Variants in FAXC observed in about 807,000 individuals in gnomAD.
FAXC encodes the protein failed axon connections homolog, metaxin like GST domain containing.
Under a neutral mutation model 41.9 loss-of-function variants are expected in FAXC, and 10 were observed. That is an observed-to-expected ratio of 0.24 (90% CI 0.15 to 0.41). The LOEUF (loss-of-function observed/expected upper bound fraction) is 0.41. Ranked by LOEUF, FAXC falls within the 10% of genes least tolerant of loss-of-function variation. The pLI, the probability that FAXC is intolerant of heterozygous loss-of-function variation, is 1.00. For synonymous variants in FAXC, 183 were observed against 183.8 expected, an observed-to-expected ratio of 1.00 and a Z score of 0.03; for missense variants, 399 against 510.9, an observed-to-expected ratio of 0.78 and a Z score of 2.11.
intron 1 of FAXC, among the ~76,000 whole-genome samples, chr6:99,346,155 T>G (rs1215338425): frequency 6.6e-6 from 1 of 152,244 alleles, no homozygotes; most frequent in Non-Finnish European, 1.5e-5. Context: ...GTTTTCTGCC[T>G]AAATTATAAA....
chr6:99,286,255 C>T (rs1022689775), intron 5 of FAXC, among the ~76,000 whole-genome samples: 1 of 152,192 alleles, frequency 6.6e-6, no homozygotes, highest in African/African-American at 2.4e-5. Flanking sequence ...AATGAAAACA[C>T]CCCCTTTGCC....
intron 3 of FAXC, among the ~76,000 whole-genome samples, chr6:99,328,102 C>T (rs535272609): frequency 2.6e-5 from 4 of 152,300 alleles, no homozygotes; most frequent in African/African-American, 9.6e-5. Context: ...CAGTCTAACC[C>T]CTCTATGACC....
chr6:99,325,208 GA>G lies in FAXC; in HGVS notation c.600-1542del, dbSNP rs948113194. On this transcript the variant is annotated intron_variant, in intron 3 of 5. Coordinates refer to ENST00000389677, the MANE Select transcript of FAXC (RefSeq NM_032511.4). ...AAATGCTGTTTTCCACCTCAAGGGGGAAAAAAAGGCATTTTGATCATTGTAT... is the reference window on the plus strand; with the variant it reads ...AAATGCTGTTTTCCACCTCAAGGGGGAAAAAAGGCATTTTGATCATTGTAT... Among the ~76,000 whole-genome samples the G allele has an allele frequency of 5.3e-5, 8 of 150,992 alleles. No homozygotes were observed. In the South Asian group the frequency reaches 8.3e-4, roughly 16 times the overall value.
chr6:99,328,623 A>G (rs952842243), intron 3 of FAXC, among the ~76,000 whole-genome samples: 2 of 152,116 alleles, frequency 1.3e-5, no homozygotes, highest in Admixed American at 6.5e-5. Context: ...CTGCCTAGAC[A>G]TCCTAACCTT....
intron 3 of FAXC, among the ~76,000 whole-genome samples, chr6:99,329,905 T>C: frequency 6.6e-6 from 1 of 151,048 alleles, no homozygotes; most frequent in Middle Eastern, 3.4e-3. Flanking sequence ...CAATTTTTGT[T>C]ATTTTTTTTT....
chr6:99,298,371 T>C (rs528537825), intron 4 of FAXC, among the ~76,000 whole-genome samples: 30 of 151,952 alleles, frequency 2.0e-4, no homozygotes, highest in Non-Finnish European at 4.4e-4. Context: ...CACCTGGCCT[T>C]GAAAGCTTTT....
chr6:99,289,446 G>A (rs886674221), intron 5 of FAXC, among the ~76,000 whole-genome samples: 1 of 152,204 alleles, frequency 6.6e-6, no homozygotes, highest in South Asian at 2.1e-4. Context: ...AGGCCAGGAT[G>A]TCAAGACCAG....
At position 99,283,654 on chromosome 6, in the gene FAXC, T is replaced by TC. The variant is rs1770912618; in HGVS notation, c.941-2202dup. Reference sequence around the variant, plus strand: ...CAGCATGGAAAACCTTCACTTACTTTCTCCCTTATGGGGACAGTCATGAAA... The same window carrying TC: ...CAGCATGGAAAACCTTCACTTACTTTCCTCCCTTATGGGGACAGTCATGAAA... On this transcript the variant is annotated intron_variant, in intron 5 of 5. Coordinates refer to ENST00000389677, the MANE Select transcript of FAXC (RefSeq NM_032511.4). 2.6e-5 allele frequency among the ~76,000 whole-genome samples: 4 copies of TC among 152,252 alleles called. No individual in the cohort carries two copies. The South Asian group carries it at 8.3e-4, about 32-fold the overall frequency.
chr6:99,285,718 G>C (rs1771006450), intron 5 of FAXC, among the ~76,000 whole-genome samples: 1 of 152,186 alleles, frequency 6.6e-6, no homozygotes, highest in South Asian at 2.1e-4. Context: ...CAGACAACTT[G>C]AGAGGATATT....
At chr6:99,297,555 G>T (rs970023336) in intron 4 of FAXC, among the ~76,000 whole-genome samples, 30 of 152,108 alleles carry the variant, frequency 2.0e-4, no homozygotes, top group African/African-American at 7.0e-4. Context: ...GTGGGGGAGG[G>T]GGTGCCATAC....
chr6:99,297,078 G>A (rs990596269), intron 4 of FAXC, among the ~76,000 whole-genome samples: 3 of 152,162 alleles, frequency 2.0e-5, no homozygotes, highest in African/African-American at 7.2e-5. Flanking sequence ...CACTGTGATT[G>A]GACTTTGTCA....
chr6:99,312,820 C>T (rs1342694410), intron 4 of FAXC, among the ~76,000 whole-genome samples: 1 of 152,144 alleles, frequency 6.6e-6, no homozygotes. Flanking sequence ...GATATTTTAT[C>T]TTTTGAAACT....
rs1770582477 is a variant in FAXC at position 99,275,789 on chromosome 6, A to G, written c.*5375T>C. Reference sequence around the variant, plus strand: ...GGACCAAAAATCTGAGTTTCTGGGTAAGGAATTCAGATGAGGAAAACATGC... The same window carrying G: ...GGACCAAAAATCTGAGTTTCTGGGTGAGGAATTCAGATGAGGAAAACATGC... On this transcript the variant is annotated 3_prime_UTR_variant, in exon 6 of 6. Coordinates refer to ENST00000389677, the MANE Select transcript of FAXC (RefSeq NM_032511.4). 1 of 152,210 alleles carries G rather than the reference A, an allele frequency of 6.6e-6. No homozygotes were observed. The highest frequency in any genetic ancestry group is 6.5e-5 in the Admixed American group (1 of 15,272). 9.4% of individuals were successfully genotyped at this position (152,210 alleles called of 1,614,324 possible).
chr6:99,295,557 A>G (rs1771453583), intron 4 of FAXC, among the ~76,000 whole-genome samples: 1 of 152,170 alleles, frequency 6.6e-6, no homozygotes, highest in South Asian at 2.1e-4. Flanking sequence ...TCAAACTGGG[A>G]CACTGGTCCC....
rs75478312 is a variant in FAXC, at chr6:99,330,814, G to T, written c.599+2537C>A. Among the ~76,000 whole-genome samples, 730 of 152,286 alleles carry T rather than the reference G, an allele frequency of 4.8e-3. 9 individuals carry two copies. The highest frequency in any genetic ancestry group is 0.017 in the African/African-American group (694 of 41,548). On this transcript the variant is annotated intron_variant, in intron 3 of 5. Coordinates refer to ENST00000389677, the MANE Select transcript of FAXC (RefSeq NM_032511.4). ...AATATTTTCCTACAAATTTTGGTCA[G>T]ATCCCTATATGCTGGGCCTCAGCTT...
At chr6:99,316,211 C>G (rs1338069842) in intron 4 of FAXC, among the ~76,000 whole-genome samples, 2 of 150,176 alleles carry the variant, frequency 1.3e-5, no homozygotes, top group Admixed American at 1.3e-4. Context: ...TAGCTCTGAG[C>G]TCTGGGAAGA....
chr6:99,281,942 AC>A (rs1473373582), intron 5 of FAXC, among the ~76,000 whole-genome samples: 2 of 152,244 alleles, frequency 1.3e-5, no homozygotes, highest in East Asian at 3.8e-4. Context: ...AACTGGAATA[AC>A]GGGGAAGGTA....
At chr6:99,297,775 G>A (rs750951648) in intron 4 of FAXC, among the ~76,000 whole-genome samples, 5 of 152,056 alleles carry the variant, frequency 3.3e-5, no homozygotes, top group Admixed American at 6.6e-5. Context: ...AAATAACTCC[G>A]GCTATCTAAG....
At chr6:99,347,603 G>A (rs1005880767) in intron 1 of FAXC, among the ~76,000 whole-genome samples, 4 of 152,180 alleles carry the variant, frequency 2.6e-5, no homozygotes, top group African/African-American at 9.7e-5. Context: ...GCTCCACACT[G>A]TTTCTGCAAG....
Sources: gnomAD v4.1 joint callset for allele counts (sites outside exome capture counted in the v4.1 genomes callset) on GRCh38, gnomAD v4.1.1 for gene constraint, MANE v1.5 for transcripts, NCBI Gene and HGNC (gene_info 2026-07-23, HGNC 2026-07-21) for gene names.